The following LHFPL3 variants were observed in gnomAD, a reference collection of about 807,000 sequenced individuals.
The protein encoded by LHFPL3 is LHFPL tetraspan subfamily member 3 protein.
In LHFPL3, 5 loss-of-function variants were observed where a neutral mutation model predicts 19.3. That is an observed-to-expected ratio of 0.26 (90% CI 0.14 to 0.54). LHFPL3 has a LOEUF of 0.54. Ranked by LOEUF, LHFPL3 falls within the 20% of genes least tolerant of loss-of-function variation. The pLI, the probability that LHFPL3 is intolerant of heterozygous loss-of-function variation, is 0.94. For synonymous variants in LHFPL3, 133 were observed against 126.2 expected, an observed-to-expected ratio of 1.05 and a Z score of -0.36; for missense variants, 249 against 307.4, an observed-to-expected ratio of 0.81 and a Z score of 1.42.
chr7:104,338,910 G>A lies in LHFPL3; in HGVS notation c.445+9686G>A, dbSNP rs1789890988. On this transcript the variant is annotated intron_variant, in intron 1 of 2. Transcript: ENST00000424859. ...CTCATAGGCTTTTGAATGTTGGACA[G>A]ATATTAAAAATCACTTAACATACTC... 2.0e-5 allele frequency among the ~76,000 whole-genome samples: 3 copies of A among 152,266 alleles called. No homozygotes were observed. In the East Asian group the frequency reaches 5.8e-4, roughly 29 times the overall value.
At chr7:104,799,658 T>A (rs1252693279) in intron 2 of LHFPL3, 1 of 152,708 alleles carries the variant, frequency 6.5e-6, no homozygotes, top group Non-Finnish European at 1.5e-5. Flanking sequence ...TCCTGGCTTC[T>A]GCCCTCTCTG....
At chr7:104,805,427 T>C (rs1333585236) in intron 2 of LHFPL3, among the ~76,000 whole-genome samples, 1 of 152,230 alleles carries the variant, frequency 6.6e-6, no homozygotes, top group Non-Finnish European at 1.5e-5. Flanking sequence ...CAACTATCTG[T>C]AGCAATGTAG....
At chr7:104,717,269 CA>C (rs1793405030) in intron 1 of LHFPL3, among the ~76,000 whole-genome samples, 1 of 151,936 alleles carries the variant, frequency 6.6e-6, no homozygotes, top group African/African-American at 2.4e-5. Flanking sequence ...AATATGACAC[CA>C]AAAGCACAGG....
intron 2 of LHFPL3, among the ~76,000 whole-genome samples, chr7:104,739,406 T>G (rs1793889551): frequency 6.6e-6 from 1 of 152,222 alleles, no homozygotes; most frequent in Admixed American, 6.5e-5. Flanking sequence ...TTCAGGTGCA[T>G]GTAATTATCA....
rs113830464 is a variant in LHFPL3 at position 104,612,978 on chromosome 7, A to C, written c.446-123697A>C. On this transcript the variant is annotated intron_variant, in intron 1 of 2. Transcript: ENST00000424859. ...TTGAGAGGTGGAATTGAAGTAATTC[A>C]TTTGGAAACAAATATGTGAAGAACT... 3.7e-3 allele frequency among the ~76,000 whole-genome samples: 564 copies of C among 152,330 alleles called. 3 individuals carry two copies. Among genetic ancestry groups the C allele is most frequent in the African/African-American group, 0.013 (539 of 41,588 alleles).
chr7:104,769,509 G>A (rs1240480999), intron 2 of LHFPL3, among the ~76,000 whole-genome samples: 1 of 152,164 alleles, frequency 6.6e-6, no homozygotes, highest in Non-Finnish European at 1.5e-5. Flanking sequence ...TGCAGAACAT[G>A]CAGGTTTGTT....
chr7:104,696,111 C>A (rs139488935), intron 1 of LHFPL3, among the ~76,000 whole-genome samples: 22 of 152,024 alleles, frequency 1.4e-4, no homozygotes, highest in Admixed American at 1.4e-3. Flanking sequence ...CCACCACGCC[C>A]GGCTAATTTT....
rs1219474087 is a variant in LHFPL3, at chr7:104,906,946, A to G, written c.*731A>G. ...TGTATATTACAGGAAGTACATCTTT[A>G]CATCATAGGTTCCCAAGCAACATAG... On this transcript the variant is annotated 3_prime_UTR_variant, in exon 3 of 3. Transcript: ENST00000424859. The G allele has an allele frequency of 6.6e-6, 1 of 152,616 alleles. No homozygotes were observed. Among genetic ancestry groups the G allele is most frequent in the Non-Finnish European group, 1.5e-5 (1 of 68,020 alleles). 9.5% of individuals were successfully genotyped at this position (152,616 alleles called of 1,614,324 possible). A position where few individuals can be genotyped will look rare whatever the true frequency, so the allele number is the denominator to read the frequency against.
intron 1 of LHFPL3, among the ~76,000 whole-genome samples, chr7:104,558,694 T>C (rs1010159222): frequency 3.3e-5 from 5 of 150,982 alleles, no homozygotes; most frequent in Admixed American, 2.0e-4. Context: ...TTAGATCCCA[T>C]TTGTTAATTT....
At chr7:104,405,879 C>A (rs111229042) in intron 1 of LHFPL3, among the ~76,000 whole-genome samples, 1 of 152,110 alleles carries the variant, frequency 6.6e-6, no homozygotes, top group Non-Finnish European at 1.5e-5. Flanking sequence ...CTTTAATCCT[C>A]CTAAGAGTGT....
chr7:104,662,389 C>G (rs1792240630), intron 1 of LHFPL3, among the ~76,000 whole-genome samples: 1 of 152,058 alleles, frequency 6.6e-6, no homozygotes, highest in African/African-American at 2.4e-5. Context: ...CATTTAATCC[C>G]CCCAAGGACC....
At chr7:104,614,155 A>T (rs1326756086) in intron 1 of LHFPL3, among the ~76,000 whole-genome samples, 1 of 152,186 alleles carries the variant, frequency 6.6e-6, no homozygotes, top group Admixed American at 6.5e-5. Flanking sequence ...AGGATCTTAT[A>T]ATCAGGAAGA....
At chr7:104,686,963 A>C (rs1256589807) in intron 1 of LHFPL3, among the ~76,000 whole-genome samples, 1 of 152,250 alleles carries the variant, frequency 6.6e-6, no homozygotes, top group East Asian at 1.9e-4. Flanking sequence ...ACTCAGTATC[A>C]TGAGAACAGC....
intron 1 of LHFPL3, among the ~76,000 whole-genome samples, chr7:104,540,561 C>T (rs980687678): frequency 6.6e-6 from 1 of 152,134 alleles, no homozygotes; most frequent in Non-Finnish European, 1.5e-5. Flanking sequence ...AATAAAATAA[C>T]AGGGAACTGC....
chr7:104,629,955 G>A (rs965353085), intron 1 of LHFPL3, among the ~76,000 whole-genome samples: 6 of 152,162 alleles, frequency 3.9e-5, no homozygotes, highest in African/African-American at 1.4e-4. Context: ...TGCAGCAGAT[G>A]TCAGCACATC....
At chr7:104,394,682 T>A (rs997716194) in intron 1 of LHFPL3, among the ~76,000 whole-genome samples, 1 of 152,114 alleles carries the variant, frequency 6.6e-6, no homozygotes, top group African/African-American at 2.4e-5. Flanking sequence ...GACATTAGTT[T>A]GTTATAATTG....
intron 2 of LHFPL3, among the ~76,000 whole-genome samples, chr7:104,738,026 G>A (rs921338931): frequency 2.6e-4 from 39 of 152,128 alleles, no homozygotes; most frequent in African/African-American, 9.2e-4. Flanking sequence ...CATAGAAATA[G>A]TCTATGGACT....
At chr7:104,659,040 C>T (rs1404073519) in intron 1 of LHFPL3, among the ~76,000 whole-genome samples, 2 of 152,222 alleles carry the variant, frequency 1.3e-5, no homozygotes, top group African/African-American at 4.8e-5. Context: ...ACTGCTTACA[C>T]CATCAGATTC....
At chr7:104,716,573 T>A (rs1196090208) in intron 1 of LHFPL3, among the ~76,000 whole-genome samples, 1 of 152,132 alleles carries the variant, frequency 6.6e-6, no homozygotes, top group Non-Finnish European at 1.5e-5. Flanking sequence ...ATCTTATTTA[T>A]AATAGTGCCA....
Sources: allele counts gnomAD v4.1 joint callset (sites outside exome capture counted in the v4.1 genomes callset), GRCh38; gene constraint gnomAD v4.1.1; transcripts MANE v1.5; gene names NCBI Gene and HGNC (gene_info 2026-07-23, HGNC 2026-07-21).